CTNNA3: variants seen among roughly 807,000 people sequenced by gnomAD.
CTNNA3 encodes the protein catenin alpha 3, also known as catenin alpha-3.
CTNNA3 carries 76 observed loss-of-function variants against 95.7 expected under a neutral mutation model. The observed-to-expected ratio is 0.79, with a 90% confidence interval of 0.66 to 0.96. The LOEUF is 0.96. Ranked by LOEUF, CTNNA3 falls within the 40% of genes least tolerant of loss-of-function variation. The pLI is 0.00. For synonymous variants in CTNNA3, 431 were observed against 374.4 expected, an observed-to-expected ratio of 1.15 and a Z score of -1.74; for missense variants, 1,191 against 1,089.8, an observed-to-expected ratio of 1.09 and a Z score of -1.31.
chr10:67,492,495 T>C (rs1159155595), intron 5 of CTNNA3, among the ~76,000 whole-genome samples: 1 of 152,218 alleles, frequency 6.6e-6, no homozygotes, highest in Non-Finnish European at 1.5e-5. Context: ...CAAGTGTTTA[T>C]TGAGTGCCAC....
At chr10:67,607,075 T>C (rs1843301975) in intron 2 of CTNNA3, 26 bp from the exon 3 acceptor site, 2 of 1,541,186 alleles carry the variant, frequency 1.3e-6, no homozygotes, top group South Asian at 2.3e-5. Flanking sequence ...TACAAAGTAC[T>C]AAATTGACAA....
At chr10:67,244,408 GCTCC>G (rs1255798694) in intron 5 of CTNNA3, among the ~76,000 whole-genome samples, 1 of 152,160 alleles carries the variant, frequency 6.6e-6, no homozygotes, top group African/African-American at 2.4e-5. Flanking sequence ...TTAAATTAGT[GCTCC>G]CTATGTTAAC....
In CTNNA3 at chr10:66,987,082, C is replaced by T. The variant is rs115121493; in HGVS notation, c.1047+193235G>A. The stretch of plus-strand genomic sequence containing the variant: ...AGAATAGCAAGTGCAAAAGTCCCGA[C>T]GTGAAGTCCTTTTAGCATTTTAGAG... On this transcript the variant is annotated intron_variant, in intron 7 of 17. Transcript: ENST00000433211. Among the ~76,000 whole-genome samples, 960 of 152,228 alleles carry T rather than the reference C, an allele frequency of 6.3e-3. 13 individuals are homozygous for T. Among genetic ancestry groups the T allele is most frequent in the African/African-American group, 0.021 (893 of 41,546 alleles).
chr10:67,242,657 C>T (rs1043101056), intron 5 of CTNNA3, among the ~76,000 whole-genome samples: 1 of 152,206 alleles, frequency 6.6e-6, no homozygotes. Flanking sequence ...AATTCAGTCA[C>T]CATGCTGTGC....
chr10:66,381,706 A>G (rs1251581852), intron 11 of CTNNA3, among the ~76,000 whole-genome samples: 1 of 152,202 alleles, frequency 6.6e-6, no homozygotes, highest in Non-Finnish European at 1.5e-5. Context: ...TATTAAAAAT[A>G]TTAAACACTG....
At chr10:66,767,246 G>C (rs925399005) in intron 8 of CTNNA3, among the ~76,000 whole-genome samples, 1 of 152,024 alleles carries the variant, frequency 6.6e-6, no homozygotes, top group Non-Finnish European at 1.5e-5. Context: ...AGGAGTTCGA[G>C]AACAGCCTGG....
chr10:67,562,114 A>T (rs1346787879), intron 3 of CTNNA3, among the ~76,000 whole-genome samples: 2 of 152,242 alleles, frequency 1.3e-5, no homozygotes, highest in Non-Finnish European at 2.9e-5. Context: ...ATAGAAAAAG[A>T]GGGAATCCTC....
chr10:66,815,877 A>T (rs992202508), intron 7 of CTNNA3, among the ~76,000 whole-genome samples: 11 of 152,216 alleles, frequency 7.2e-5, no homozygotes, highest in African/African-American at 2.7e-4. Context: ...ATAAAAGGAC[A>T]TAAGACAGTA....
chr10:66,478,315 G>A (rs1839396347), intron 11 of CTNNA3, among the ~76,000 whole-genome samples: 1 of 151,960 alleles, frequency 6.6e-6, no homozygotes, highest in Non-Finnish European at 1.5e-5. Context: ...CAATGAGATG[G>A]ACACTAAACA....
intron 9 of CTNNA3, among the ~76,000 whole-genome samples, chr10:66,702,283 A>C (rs1368875306): frequency 6.6e-6 from 1 of 152,054 alleles, no homozygotes; most frequent in African/African-American, 2.4e-5. Context: ...TTAATAGGTT[A>C]CTGTGTGCTG....
intron 5 of CTNNA3, among the ~76,000 whole-genome samples, chr10:67,243,095 TC>T (rs1865776659): frequency 6.6e-6 from 1 of 152,134 alleles, no homozygotes; most frequent in Non-Finnish European, 1.5e-5. Flanking sequence ...TGTTTACCTC[TC>T]CTCTAAGTTC....
At chr10:67,117,952 T>A (rs1212125506) in intron 7 of CTNNA3, among the ~76,000 whole-genome samples, 1 of 152,128 alleles carries the variant, frequency 6.6e-6, no homozygotes, top group Non-Finnish European at 1.5e-5. Context: ...CTGCTTTTCA[T>A]GACCGATTCA....
chr10:67,614,048 G>C (rs1160190232), intron 2 of CTNNA3, among the ~76,000 whole-genome samples: 1 of 152,206 alleles, frequency 6.6e-6, no homozygotes, highest in Admixed American at 6.5e-5. Context: ...TCCACAGCAA[G>C]GAAGCGGACC....
chr10:66,837,003 T>C (rs1842907470), intron 7 of CTNNA3, among the ~76,000 whole-genome samples: 1 of 152,050 alleles, frequency 6.6e-6, no homozygotes, highest in Non-Finnish European at 1.5e-5. Flanking sequence ...CTTTGAATAA[T>C]CAAAAGGTGA....
chr10:67,697,353 A>G (rs1352154298), upstream of CTNNA3, among the ~76,000 whole-genome samples: 2 of 152,202 alleles, frequency 1.3e-5, no homozygotes, highest in Non-Finnish European at 2.9e-5. Flanking sequence ...TCTTTTCTTG[A>G]ATAAAGAAAT....
intron 17 of CTNNA3, among the ~76,000 whole-genome samples, chr10:65,931,401 C>A (rs142590672): frequency 1.2e-4 from 18 of 152,282 alleles, no homozygotes; most frequent in Admixed American, 2.0e-4. Context: ...TAAGCAGCAG[C>A]AGCATTAACT....
chr10:66,276,354 T>C (rs2091398432), intron 13 of CTNNA3, among the ~76,000 whole-genome samples: 1 of 152,130 alleles, frequency 6.6e-6, no homozygotes, highest in Non-Finnish European at 1.5e-5. Flanking sequence ...ATCTTGTTTC[T>C]TTTTGTGAGG....
At chr10:66,654,544 G>T (rs1295041104) in intron 9 of CTNNA3, among the ~76,000 whole-genome samples, 1 of 151,956 alleles carries the variant, frequency 6.6e-6, no homozygotes, top group African/African-American at 2.4e-5. Context: ...ATAATATAGA[G>T]GTTTTTCAGA....
At chr10:67,188,179 T>C (rs894348580) in intron 6 of CTNNA3, among the ~76,000 whole-genome samples, 2 of 152,190 alleles carry the variant, frequency 1.3e-5, no homozygotes, top group African/African-American at 4.8e-5. Flanking sequence ...TCTGGACAAT[T>C]AAATGCAGAA....
Sources: gnomAD v4.1 joint callset for allele counts (sites outside exome capture counted in the v4.1 genomes callset) on GRCh38, gnomAD v4.1.1 for gene constraint, MANE v1.5 for transcripts, NCBI Gene and HGNC (gene_info 2026-07-23, HGNC 2026-07-21) for gene names.